Variants in PACSIN1 observed in about 807,000 individuals in gnomAD.
The protein encoded by PACSIN1 is protein kinase C and casein kinase substrate in neurons 1, also known as protein kinase C and casein kinase substrate in neurons protein 1.
Under a neutral mutation model 59.5 loss-of-function variants are expected in PACSIN1, and 15 were observed. The ratio of observed to expected loss-of-function variants is 0.25; its 90% CI spans 0.17 to 0.39. The LOEUF (loss-of-function observed/expected upper bound fraction) is 0.39, where lower values mean the gene tolerates loss of function less well. Among genes scored for constraint, PACSIN1 ranks in the 10% least tolerant of loss-of-function variants. PACSIN1 has a pLI of 1.00. For synonymous variants in PACSIN1, 210 were observed against 220.6 expected, an observed-to-expected ratio of 0.95 and a Z score of 0.42; for missense variants, 420 against 580.2, an observed-to-expected ratio of 0.72 and a Z score of 2.84.
rs374586953 is a variant in PACSIN1 at position 34,493,930 on chromosome 6, T to C, written c.-64+27660T>C. Among the ~76,000 whole-genome samples the C allele has an allele frequency of 1.4e-4, 21 of 152,372 alleles. No individual in the cohort carries two copies. The East Asian group carries it at 3.5e-3, about 25-fold the overall frequency. The stretch of plus-strand genomic sequence containing the variant: ...GAAGCAGCTGCTTTGACTTGCCCTG[T>C]CCAGCATTTCATGGCCTCCAATGCA... On this transcript the variant is annotated intron_variant, in intron 1 of 9. Coordinates refer to ENST00000244458, the MANE Select transcript of PACSIN1 (RefSeq NM_020804.5).
chr6:34,529,752 A>G lies in PACSIN1; in HGVS notation c.699A>G (p.Gln233=). The G allele has an allele frequency of 3.1e-6, 5 of 1,614,118 alleles. No homozygotes were observed. Among genetic ancestry groups the G allele is most frequent in the Non-Finnish European group, 3.4e-6 (4 of 1,180,002 alleles). ...YMENMEQVFE[Q]CQQFEEKRLV... is the part of the protein sequence containing the mutation. The stretch of plus-strand genomic sequence containing the variant: ...AGAACATGGAGCAGGTGTTTGAGCA[A>G]TGCCAGCAATTTGAGGAAAAGCGGC... The change falls in exon 6 of 10, where the codon CAA becomes CAG. Residue 233 remains glutamine (Q), a synonymous_variant. Coordinates refer to ENST00000244458, the MANE Select transcript of PACSIN1 (RefSeq NM_020804.5). This position sits in a 1 kb window ranked among gnomAD's most constrained non-coding sequence, Gnocchi z 6.3.
At chr6:34,481,487 A>G (rs56370046) in intron 1 of PACSIN1, among the ~76,000 whole-genome samples, 87,669 of 151,854 alleles carry the variant, frequency 0.58, 26,233 homozygotes, top group African/African-American at 0.73. Flanking sequence ...TTGAGACAAC[A>G]ATGAAACCCA....
intron 1 of PACSIN1, among the ~76,000 whole-genome samples, chr6:34,509,996 A>T (rs1767174209): frequency 1.3e-5 from 2 of 152,232 alleles, no homozygotes; most frequent in African/African-American, 2.4e-5. Context: ...GTAGTATTCC[A>T]CTATGTGAAC....
intron 4 of PACSIN1, 35 bp downstream of exon 4, chr6:34,528,912 T>TGGGGGGGGGCCCGGGGGGGGGGGGGGGG: frequency 2.2e-6 from 1 of 464,330 alleles, no homozygotes; most frequent in Non-Finnish European, 4.2e-6. Context: ...CGGGGTGGGG[T>TGGGGGGGGGCCCGGGGGGGGGGGGGGGG]GGGCCCGTCT....
chr6:34,528,727 G>T lies in PACSIN1; in HGVS notation c.306G>T (p.Lys102Asn). 1 of 1,614,118 alleles carries T rather than the reference G, an allele frequency of 6.2e-7. No homozygotes were observed. The highest frequency in any genetic ancestry group is 1.1e-5 in the South Asian group (1 of 91,086). ...TGAGCGAGCTGCACCAGGAGGTGAA[G>T]AACAATCTGCTGAATGAGGACCTGG... The part of the protein sequence containing the change: ...DKVSELHQEV[K>N]NNLLNEDLEK... The change falls in exon 4 of 10, where the codon AAG becomes AAT. Residue 102 changes from lysine to asparagine, a missense_variant. Physicochemically the swap from Lys to Asn is moderately conservative, Grantham distance 94. Transcript: ENST00000244458.
chr6:34,467,896 C>A (rs1257339092), intron 1 of PACSIN1, among the ~76,000 whole-genome samples: 1 of 152,150 alleles, frequency 6.6e-6, no homozygotes, highest in Non-Finnish European at 1.5e-5. Context: ...GCAGCTATGC[C>A]TTTTGGAGAT....
intron 1 of PACSIN1, chr6:34,485,293 G>A (rs1300829945): frequency 1.3e-5 from 2 of 152,122 alleles, no homozygotes; most frequent in African/African-American, 4.8e-5. Context: ...GTTTTAAAAA[G>A]ATGACTGCAG....
intron 1 of PACSIN1, among the ~76,000 whole-genome samples, chr6:34,474,253 C>T (rs964332915): frequency 6.6e-6 from 1 of 152,054 alleles, no homozygotes; most frequent in African/African-American, 2.4e-5. Context: ...ATTTAGTCAT[C>T]AACAAGTCCT....
Position 34,530,507 on chromosome 6 carries a change from G to A in PACSIN1, c.957G>A (p.Gln319=). ...LPHTTTKKEK[Q]PKKAEGVALT... ...ACACCACCACCAAGAAGGAGAAACA[G>A]CCTAAGAAGGCAGAGGGAGTGGCGC... is the stretch of plus-strand genomic sequence containing the variant. The change falls in exon 8 of 10, where the codon CAG becomes CAA. Residue 319 remains glutamine (Q), a synonymous_variant. Transcript: ENST00000244458. This position sits in a 1 kb window ranked among gnomAD's most constrained non-coding sequence, Gnocchi z 4.4. 1 of 1,609,796 alleles carries A rather than the reference G, an allele frequency of 6.2e-7. No homozygotes were observed. Among genetic ancestry groups the A allele is most frequent in the Non-Finnish European group, 8.5e-7 (1 of 1,178,174 alleles).
intron 1 of PACSIN1, among the ~76,000 whole-genome samples, chr6:34,487,215 G>A (rs933946811): frequency 1.3e-5 from 2 of 152,060 alleles, no homozygotes; most frequent in Admixed American, 6.6e-5. Context: ...CAAAGTGCAC[G>A]TCAGTGAACA....
chr6:34,487,094 C>T (rs1766805976), intron 1 of PACSIN1, among the ~76,000 whole-genome samples: 1 of 151,962 alleles, frequency 6.6e-6, no homozygotes, highest in South Asian at 2.1e-4. Context: ...CAGCCGAGCC[C>T]AGGGAGGTTG....
At chr6:34,501,065 C>T (rs995541852) in intron 1 of PACSIN1, among the ~76,000 whole-genome samples, 2 of 152,224 alleles carry the variant, frequency 1.3e-5, no homozygotes, top group Non-Finnish European at 2.9e-5. Flanking sequence ...CTACTAAAAC[C>T]TTCTCCCTGT....
chr6:34,466,835 G>T (rs905019511), intron 1 of PACSIN1, among the ~76,000 whole-genome samples: 4 of 152,196 alleles, frequency 2.6e-5, no homozygotes, highest in Non-Finnish European at 4.4e-5. Context: ...GAAGCCATGG[G>T]CTGCTGGGCA....
At chr6:34,473,605 G>T (rs1399851384) in intron 1 of PACSIN1, among the ~76,000 whole-genome samples, 1 of 152,158 alleles carries the variant, frequency 6.6e-6, no homozygotes, top group Non-Finnish European at 1.5e-5. Flanking sequence ...GGGCTGGAGG[G>T]CTGGGGGTTG....
chr6:34,513,782 G>T (rs1034275441), intron 1 of PACSIN1, among the ~76,000 whole-genome samples: 1 of 152,148 alleles, frequency 6.6e-6, no homozygotes, highest in Non-Finnish European at 1.5e-5. Flanking sequence ...TTCAGCAGCA[G>T]AGCTGAGACA....
intron 1 of PACSIN1, among the ~76,000 whole-genome samples, chr6:34,477,213 G>A (rs918643711): frequency 6.6e-5 from 10 of 152,064 alleles, no homozygotes; most frequent in South Asian, 4.1e-4. Flanking sequence ...TGTCCAGGCC[G>A]GGCATGGTTG....
intron 1 of PACSIN1, among the ~76,000 whole-genome samples, chr6:34,506,829 C>T (rs577153276): frequency 2.0e-5 from 3 of 152,270 alleles, no homozygotes; most frequent in Admixed American, 2.0e-4. Context: ...TGAAGGTCAA[C>T]CCAGCATGGA....
intron 1 of PACSIN1, among the ~76,000 whole-genome samples, chr6:34,489,094 TC>T (rs1766834583): frequency 6.6e-6 from 1 of 151,200 alleles, no homozygotes. Flanking sequence ...GGCAGGAGGA[TC>T]GCTTGAGCCA....
intron 1 of PACSIN1, among the ~76,000 whole-genome samples, chr6:34,489,183 CAAA>C (rs10638490): frequency 1.6e-5 from 2 of 124,632 alleles, no homozygotes; most frequent in Non-Finnish European, 1.8e-5. Context: ...GAGTTTGTCT[CAAA>C]AAAAAAAAAA....
Sources: allele counts gnomAD v4.1 joint callset (sites outside exome capture counted in the v4.1 genomes callset), GRCh38; gene constraint gnomAD v4.1.1; non-coding constraint Gnocchi (gnomAD v3.1); transcripts MANE v1.5; gene names NCBI Gene and HGNC (gene_info 2026-07-23, HGNC 2026-07-21).